Variants in ZNF609 observed in about 807,000 individuals in gnomAD.
ZNF609 encodes zinc finger protein 609.
A neutral mutation model predicts 109.5 loss-of-function variants in ZNF609; 11 were observed. The observed-to-expected ratio is 0.10, with a 90% CI of 0.06 to 0.17. The LOEUF (loss-of-function observed/expected upper bound fraction) is 0.17, where lower values mean the gene tolerates loss of function less well. Among genes scored for constraint, ZNF609 ranks in the 10% least tolerant of loss-of-function variants. The pLI is 1.00. For missense variants in ZNF609, 1,559 were observed against 1,772.4 expected (o/e 0.88, Z 2.16); for synonymous variants, 646 against 662.0 (o/e 0.98, Z 0.37).
At chr15:64,572,956 G>A (rs913047105) in intron 2 of ZNF609, among the ~76,000 whole-genome samples, 4 of 152,274 alleles carry the variant, frequency 2.6e-5, no homozygotes, top group Non-Finnish European at 5.9e-5. Flanking sequence ...GTGGCTCCAC[G>A]CGGGACACGT....
chr15:64,605,959 A>G (rs1308548870), intron 2 of ZNF609, among the ~76,000 whole-genome samples: 1 of 108,666 alleles, frequency 9.2e-6, no homozygotes, highest in African/African-American at 3.6e-5. Flanking sequence ...GTTTCACTGT[A>G]TTAGCCAGGA....
intron 2 of ZNF609, among the ~76,000 whole-genome samples, chr15:64,587,413 A>T (rs745768192): frequency 2.2e-4 from 33 of 151,900 alleles, no homozygotes; most frequent in Non-Finnish European, 4.4e-4. Flanking sequence ...GCTTCAGTAC[A>T]TTTTTTTTCA....
intron 3 of ZNF609, among the ~76,000 whole-genome samples, chr15:64,644,979 C>T (rs995716580): frequency 3.9e-5 from 5 of 128,788 alleles, no homozygotes; most frequent in African/African-American, 6.9e-5. Context: ...TTCTTTCTTT[C>T]TTTTTCTTTC....
chr15:64,633,934 T>C (rs1896127800), intron 3 of ZNF609, among the ~76,000 whole-genome samples: 1 of 152,042 alleles, frequency 6.6e-6, no homozygotes, highest in Non-Finnish European at 1.5e-5. Context: ...ATGCCTCGTA[T>C]AGCCACCGTG....
chr15:64,579,620 G>A (rs1242532192), intron 2 of ZNF609, among the ~76,000 whole-genome samples: 2 of 151,752 alleles, frequency 1.3e-5, no homozygotes, highest in Non-Finnish European at 2.9e-5. Flanking sequence ...TGAGGCAGGA[G>A]AATCACTTAA....
At chr15:64,472,416 T>A (rs1455248008) in intron 1 of ZNF609, among the ~76,000 whole-genome samples, 1 of 152,216 alleles carries the variant, frequency 6.6e-6, no homozygotes, top group African/African-American at 2.4e-5. Context: ...GTTCAGTATT[T>A]GTGGAGAAAG....
chr15:64,664,714 C>G (rs1241498956), intron 3 of ZNF609, among the ~76,000 whole-genome samples: 1 of 152,200 alleles, frequency 6.6e-6, no homozygotes, highest in Non-Finnish European at 1.5e-5. Context: ...GACATTTAAA[C>G]AAGCCTCCAT....
chr15:64,493,041 C>G (rs990116994), intron 1 of ZNF609, among the ~76,000 whole-genome samples: 1 of 152,092 alleles, frequency 6.6e-6, no homozygotes, highest in Non-Finnish European at 1.5e-5. Flanking sequence ...AGGATTGATC[C>G]AAAATCCATA....
intron 2 of ZNF609, among the ~76,000 whole-genome samples, chr15:64,507,659 G>C (rs910910117): frequency 3.3e-5 from 5 of 152,210 alleles, no homozygotes; most frequent in African/African-American, 1.2e-4. Flanking sequence ...CATGGGGTTA[G>C]GCTTTGATTT....
At chr15:64,622,654 A>C (rs1895893814) in intron 2 of ZNF609, among the ~76,000 whole-genome samples, 173 bp from the exon 3 acceptor site, 1 of 152,196 alleles carries the variant, frequency 6.6e-6, no homozygotes, top group Non-Finnish European at 1.5e-5. Flanking sequence ...CATCTAAACC[A>C]CTAGATTTGT....
At chr15:64,504,423 T>A (rs1189107686) in intron 2 of ZNF609, among the ~76,000 whole-genome samples, 1 of 152,194 alleles carries the variant, frequency 6.6e-6, no homozygotes, top group Non-Finnish European at 1.5e-5. Context: ...TTAACAAATC[T>A]TTAACTGTCA....
chr15:64,631,589 A>G (rs950588571), intron 3 of ZNF609: 10 of 453,826 alleles, frequency 2.2e-5, no homozygotes, highest in South Asian at 1.0e-4. Context: ...CTGGAGTGCA[A>G]TGGCGCAATC....
intron 1 of ZNF609, among the ~76,000 whole-genome samples, chr15:64,485,348 G>T (rs911975269): frequency 1.3e-5 from 2 of 152,182 alleles, no homozygotes; most frequent in Non-Finnish European, 2.9e-5. Flanking sequence ...CAGGTTAGAA[G>T]TGATTTTAGC....
chr15:64,630,008 T>G (rs1418701591), intron 3 of ZNF609, among the ~76,000 whole-genome samples: 1 of 152,164 alleles, frequency 6.6e-6, no homozygotes, highest in Non-Finnish European at 1.5e-5. Context: ...AAAAGGAGTA[T>G]TCATCATTTT....
chr15:64,676,197 A>G lies in ZNF609; in HGVS notation c.3343A>G (p.Lys1115Glu). ...CCTAAGCAAGGAGGCCTCTGAGGCC[A>G]AGACAGGTGCTGAGTGTGGTCGACA... ...SHLSKEASEA[K>E]TGAECGRQAE... Residue 1115 changes from lysine to glutamate, a missense_variant, in exon 5 of 10, where the codon AAG (lysine) becomes GAG (glutamate). Physicochemically the swap from Lys to Glu is moderately conservative, Grantham distance 56 (BLOSUM62 1). Transcript: ENST00000326648. The G allele has an allele frequency of 6.2e-7, 1 of 1,614,148 alleles. No homozygotes were observed. The highest frequency in any genetic ancestry group is 8.5e-7 in the Non-Finnish European group (1 of 1,180,008).
intron 1 of ZNF609, among the ~76,000 whole-genome samples, chr15:64,476,641 T>G (rs1457155404): frequency 6.6e-6 from 1 of 152,234 alleles, no homozygotes. Flanking sequence ...TCTTTTCTCC[T>G]GTCTGCTCCT....
intron 4 of ZNF609, chr15:64,671,492 A>G (rs1407922840): frequency 6.6e-6 from 1 of 152,216 alleles, no homozygotes; most frequent in Non-Finnish European, 1.5e-5. Context: ...GATGATAGCT[A>G]TTTCTCAGAA....
intron 3 of ZNF609, among the ~76,000 whole-genome samples, chr15:64,629,220 A>T (rs562680965): frequency 6.6e-6 from 1 of 152,302 alleles, no homozygotes; most frequent in South Asian, 2.1e-4. Flanking sequence ...ATTCAGTCCT[A>T]TCAGCCACTA....
At chr15:64,499,033 T>C (rs1437793844) in intron 1 of ZNF609, among the ~76,000 whole-genome samples, 1 of 152,202 alleles carries the variant, frequency 6.6e-6, no homozygotes, top group African/African-American at 2.4e-5. Context: ...AAATTAACTC[T>C]AGAGGACTCC....
Sources: gnomAD v4.1 joint callset for allele counts (sites outside exome capture counted in the v4.1 genomes callset) on GRCh38, gnomAD v4.1.1 for gene constraint, MANE v1.5 for transcripts, NCBI Gene and HGNC (gene_info 2026-07-23, HGNC 2026-07-21) for gene names.